Variants in SIN3A observed in about 807,000 individuals in gnomAD.
SIN3A encodes paired amphipathic helix protein Sin3a.
SIN3A carries 14 observed loss-of-function variants against 146.1 expected under a neutral mutation model. The ratio of observed to expected loss-of-function variants is 0.10; its 90% CI spans 0.06 to 0.15. SIN3A has a LOEUF of 0.15. Ranked by LOEUF, SIN3A falls within the 10% of genes least tolerant of loss-of-function variation. The pLI is 1.00. For synonymous variants in SIN3A, 572 were observed against 572.0 expected (o/e 1.00, Z 0.00); for missense variants, 1,028 against 1,576.0 (o/e 0.65, Z 5.89).
Position 75,412,903 on chromosome 15 carries a change from C to A in SIN3A, c.616G>T (p.Gly206Cys), listed in dbSNP as rs1386971419. The change falls in exon 5 of 21, where the codon GGC becomes TGC. Residue 206 changes from glycine to cysteine, a missense_variant. Transcript: ENST00000394947. Reference protein sequence around the residue: ...TNDMVNVTTPGQVHQIPTHGI... With the variant: ...TNDMVNVTTPCQVHQIPTHGI... ...TGGGTGGGAATCTGATGAACCTGGC[C>A]AGGAGTTGTCACATTCACCATGTCA... 6.2e-7 allele frequency: 1 copy of A among 1,613,782 alleles called. No homozygotes were observed. Among genetic ancestry groups the A allele is most frequent in the South Asian group, 1.1e-5 (1 of 91,052 alleles).
chr15:75,384,031 T>A, intron 17 of SIN3A: 1 of 266,318 alleles, frequency 3.8e-6, no homozygotes, highest in Non-Finnish European at 7.0e-6. Context: ...GAATACAAAA[T>A]TGTAAAAATC....
intron 18 of SIN3A, chr15:75,381,106 A>G: frequency 5.7e-6 from 1 of 176,290 alleles, no homozygotes; most frequent in Non-Finnish European, 1.2e-5. Context: ...AAAAAAAAAA[A>G]AGATCTGCCA....
rs201853552 is a variant in SIN3A at position 75,392,742 on chromosome 15, T to C, written c.2351A>G (p.Lys784Arg). Reference sequence around the variant, plus strand: ...AGCAGCAGCATCTTCCAGTATTTGTTTGTCTTCATACGCAAGTGAGAGGTG... The same window carrying C: ...AGCAGCAGCATCTTCCAGTATTTGTCTGTCTTCATACGCAAGTGAGAGGTG... Reference protein sequence around the residue: ...GPHLSLAYEDKQILEDAAALI... With the variant: ...GPHLSLAYEDRQILEDAAALI... The change falls in exon 15 of 21, where the codon AAA becomes AGA. Residue 784 changes from lysine to arginine, a missense_variant. Physicochemically the swap from Lys to Arg is conservative, Grantham distance 26 (BLOSUM62 2). Transcript: ENST00000394947. The C allele has an allele frequency of 5.3e-5, 86 of 1,614,202 alleles. No homozygotes were observed. The highest frequency in any genetic ancestry group is 6.4e-5 in the Non-Finnish European group (75 of 1,180,032).
At chr15:75,381,365 C>A (rs1052584191) in intron 18 of SIN3A, among the ~76,000 whole-genome samples, 3 of 152,154 alleles carry the variant, frequency 2.0e-5, no homozygotes, top group African/African-American at 7.2e-5. Flanking sequence ...AGGAAAGCTG[C>A]CAACCATAAG....
chr15:75,387,053 C>T (rs371125468), intron 16 of SIN3A, among the ~76,000 whole-genome samples: 15 of 152,244 alleles, frequency 9.9e-5, no homozygotes, highest in African/African-American at 2.9e-4. Context: ...TATATCTGCC[C>T]GCCTTGGACT....
At chr15:75,454,998 G>A (rs2074467845), upstream of SIN3A, 1 of 152,076 alleles carries the variant, frequency 6.6e-6, no homozygotes, top group Non-Finnish European at 1.5e-5. Flanking sequence ...GCAGCTCGCA[G>A]GGCTAGCGGC....
rs554369307 is a variant in SIN3A at position 75,444,714 on chromosome 15, G to A, written c.-34+6709C>T. ...ACTTCGGTGACACTGATGTTACCCA[G>A]ACATTTCTTACTACTGTAGGTAGAA... On this transcript the variant is annotated intron_variant, in intron 1 of 20. Transcript: ENST00000394947. Among the ~76,000 whole-genome samples the A allele has an allele frequency of 4.6e-5, 7 of 152,222 alleles. No homozygotes were observed. In the South Asian group the frequency reaches 1.4e-3, roughly 32 times the overall value.
In SIN3A at chr15:75,451,518, C is replaced by T. The variant is rs2074409619; in HGVS notation, c.-129G>A. On this transcript the variant is annotated 5_prime_UTR_variant, in exon 1 of 21. Transcript: ENST00000394947. ...CCCGAGAACGGCGCGGGGCACAGGCCCGCCGAAGCGGACTGCCAGCTACCT... is the reference window on the plus strand; with the variant it reads ...CCCGAGAACGGCGCGGGGCACAGGCTCGCCGAAGCGGACTGCCAGCTACCT... 6.7e-6 allele frequency: 1 copy of T among 149,748 alleles called. No homozygotes were observed. The highest frequency in any genetic ancestry group is 1.5e-5 in the Non-Finnish European group (1 of 67,400). The allele number at this position is 149,748 out of a possible 1,614,324, so 9.3% of individuals were successfully genotyped here. A position where few individuals can be genotyped will look rare whatever the true frequency, so the allele number is the denominator to read the frequency against.
intron 9 of SIN3A, among the ~76,000 whole-genome samples, 178 bp from the exon 10 acceptor site, chr15:75,402,148 A>C (rs900788380): frequency 1.3e-5 from 2 of 151,902 alleles, no homozygotes; most frequent in Admixed American, 1.3e-4. Context: ...ATGCCTGGCT[A>C]ATTTCTAAAT....
Position 75,400,794 on chromosome 15 carries a change from T to C in SIN3A, c.1673A>G (p.Tyr558Cys), listed in dbSNP as rs2073397672. 1 of 1,613,994 alleles carries C rather than the reference T, an allele frequency of 6.2e-7. No individual in the cohort carries two copies. Among genetic ancestry groups the C allele is most frequent in the African/African-American group, 1.3e-5 (1 of 74,906 alleles). The change falls in exon 11 of 21, where the codon TAT (tyrosine) becomes TGT (cysteine). Residue 558 changes from tyrosine to cysteine, a missense_variant. Transcript: ENST00000394947. ...CTGGTAACTCTTTGGTAAGGCTCGA[T>C]AGCTGGAGCCCAATCGTTTACAAGA... ...YASCKRLGSS[Y>C]RALPKSYQQP... is the part of the protein sequence containing the mutation.
At chr15:75,410,777 C>T (rs1326764747) in intron 6 of SIN3A, among the ~76,000 whole-genome samples, 1 of 151,834 alleles carries the variant, frequency 6.6e-6, no homozygotes, top group Non-Finnish European at 1.5e-5. Context: ...AGGCCGGGCA[C>T]GGTGGCTCAT....
intron 19 of SIN3A, among the ~76,000 whole-genome samples, chr15:75,377,832 C>T (rs967618364): frequency 9.9e-5 from 15 of 152,064 alleles, no homozygotes; most frequent in African/African-American, 2.9e-4. Context: ...CATTTTTACC[C>T]GAAAGAACAA....
At chr15:75,380,772 C>G (rs1419062364) in intron 18 of SIN3A, 49 bp from the exon 19 acceptor site, 1 of 1,304,818 alleles carries the variant, frequency 7.7e-7, no homozygotes, top group East Asian at 2.3e-5. Flanking sequence ...ACAAAAACAG[C>G]TCCTAATGCA....
chr15:75,401,801 T>C, intron 10 of SIN3A, 51 bp downstream of exon 10: 2 of 1,070,466 alleles, frequency 1.9e-6, no homozygotes, highest in Non-Finnish European at 2.9e-6. Flanking sequence ...AAATCAAACA[T>C]TACCTGGTCT....
chr15:75,384,288 T>C lies in SIN3A; in HGVS notation c.3171A>G (p.Leu1057=), dbSNP rs545728283. The change falls in exon 17 of 21, where the codon CTA becomes CTG. Residue 1057 remains leucine (L), a synonymous_variant. Coordinates refer to ENST00000394947, the MANE Select transcript of SIN3A (RefSeq NM_001145358.2). ...CCTTAAAGCAATTCTCATCTGACAT[T>C]AGCTGCTCAGCTTTCCGCTGATACG... is the stretch of plus-strand genomic sequence containing the variant. ...ESTYQRKAEQ[L]MSDENCFKLM... is the part of the protein sequence containing the mutation. 16 of 1,612,852 alleles carry C rather than the reference T, an allele frequency of 9.9e-6. No homozygotes were observed. Among genetic ancestry groups the C allele is most frequent in the South Asian group, 4.4e-5 (4 of 90,950 alleles).
At chr15:75,446,664 AATTT>A (rs1555450425) in intron 1 of SIN3A, among the ~76,000 whole-genome samples, 1 of 151,316 alleles carries the variant, frequency 6.6e-6, no homozygotes, top group Non-Finnish European at 1.5e-5. Context: ...GCTAATTTTT[AATTT>A]TTTTATAGAG....
intron 1 of SIN3A, among the ~76,000 whole-genome samples, chr15:75,438,290 A>G (rs1378823770): frequency 6.6e-6 from 1 of 152,006 alleles, no homozygotes; most frequent in African/African-American, 2.4e-5. Context: ...GCTTGAACCC[A>G]GGGTGCGGAG....
chr15:75,450,606 C>G (rs999833831), intron 1 of SIN3A, among the ~76,000 whole-genome samples: 1 of 152,234 alleles, frequency 6.6e-6, no homozygotes, highest in African/African-American at 2.4e-5. Context: ...CTCCCACTCT[C>G]CTGGCTGCAC....
chr15:75,409,411 C>T (rs1053431460), intron 8 of SIN3A, among the ~76,000 whole-genome samples: 4 of 152,040 alleles, frequency 2.6e-5, no homozygotes, highest in African/African-American at 9.7e-5. Context: ...CTAACTTCCT[C>T]CAAATATCTA....
Sources: gnomAD v4.1 joint callset for allele counts (sites outside exome capture counted in the v4.1 genomes callset) on GRCh38, gnomAD v4.1.1 for gene constraint, MANE v1.5 for transcripts, NCBI Gene and HGNC (gene_info 2026-07-23, HGNC 2026-07-21) for gene names.